The following DIP2C variants were observed in gnomAD, a reference collection of about 807,000 sequenced individuals.
DIP2C encodes DIP2 acetate--CoA ligase C (putative), also known as disco-interacting protein 2 homolog C.
Under a neutral mutation model 192.4 loss-of-function variants are expected in DIP2C, and 33 were observed. That is an observed-to-expected ratio of 0.17 (90% CI 0.13 to 0.23). The LOEUF is 0.23. Ranked by LOEUF, DIP2C falls within the 10% of genes least tolerant of loss-of-function variation. The pLI, the probability that DIP2C is intolerant of heterozygous loss-of-function variation, is 1.00. For synonymous variants in DIP2C, 979 were observed against 864.1 expected (o/e 1.13, Z -2.33); for missense variants, 1,537 against 2,110.1 (o/e 0.73, Z 5.32).
At chr10:656,431 A>G (rs146522871) in intron 1 of DIP2C, among the ~76,000 whole-genome samples, 259 of 152,352 alleles carry the variant, frequency 1.7e-3, no homozygotes, top group African/African-American at 6.0e-3. Flanking sequence ...GTCCCACTAC[A>G]TAAGAGCAGA....
intron 14 of DIP2C, among the ~76,000 whole-genome samples, chr10:384,902 A>C (rs1448237680): frequency 6.6e-6 from 1 of 150,998 alleles, no homozygotes; most frequent in South Asian, 2.1e-4. Context: ...GGAGGAGGAG[A>C]AGCAGCTCTC....
chr10:564,374 G>A (rs1471157403), intron 1 of DIP2C, among the ~76,000 whole-genome samples: 3 of 152,050 alleles, frequency 2.0e-5, no homozygotes, highest in African/African-American at 7.2e-5. Flanking sequence ...TCACCTTGGG[G>A]CAGCCTCACT....
chr10:390,289 G>T lies in DIP2C; in HGVS notation c.1469C>A (p.Ala490Asp). 2 of 1,613,970 alleles carry T rather than the reference G, an allele frequency of 1.2e-6. No homozygotes were observed. The highest frequency in any genetic ancestry group is 1.3e-5 in the African/African-American group (1 of 74,958). ...PRDWFPHIKD[A>D]NNDTAYIEYK... is the part of the protein sequence containing the mutation. ...CTCAATATACGCAGTGTCGTTATTG[G>T]CATCTTTAATGTGTGGGAACCAGTC... The change falls in exon 12 of 37, where the codon GCC becomes GAC. Residue 490 changes from alanine to aspartate, a missense_variant. Transcript: ENST00000280886.
At chr10:414,720 T>G (rs1965434908) in intron 7 of DIP2C, among the ~76,000 whole-genome samples, 1 of 75,324 alleles carries the variant, frequency 1.3e-5, no homozygotes, top group Non-Finnish European at 2.5e-5. Context: ...TGTGTGTGTG[T>G]GTGTGTGTGT....
chr10:486,121 GAATC>G (rs1843995431), intron 2 of DIP2C, among the ~76,000 whole-genome samples: 2 of 151,942 alleles, frequency 1.3e-5, no homozygotes, highest in Admixed American at 6.6e-5. Context: ...GATTAAACCA[GAATC>G]AATAGTAATA....
intron 10 of DIP2C, among the ~76,000 whole-genome samples, chr10:393,017 G>C (rs1435068146): frequency 6.6e-6 from 1 of 152,210 alleles, no homozygotes; most frequent in Non-Finnish European, 1.5e-5. Flanking sequence ...GGTGACCCAA[G>C]GACGGGACCC....
At chr10:597,094 C>T (rs182028907) in intron 1 of DIP2C, among the ~76,000 whole-genome samples, 1 of 152,294 alleles carries the variant, frequency 6.6e-6, no homozygotes, top group East Asian at 1.9e-4. Context: ...CCACCCTGTC[C>T]ACCCAGGGCT....
intron 32 of DIP2C, among the ~76,000 whole-genome samples, chr10:290,728 G>T (rs953743697): frequency 6.6e-6 from 1 of 152,204 alleles, no homozygotes; most frequent in South Asian, 2.1e-4. Flanking sequence ...CTAGGAGGGG[G>T]TCAGAGGCCC....
chr10:378,301 T>C (rs965072072), intron 17 of DIP2C, among the ~76,000 whole-genome samples: 1 of 152,240 alleles, frequency 6.6e-6, no homozygotes, highest in Admixed American at 6.5e-5. Context: ...CGTGATTTCC[T>C]GCCACCACTT....
chr10:509,801 G>A (rs557686290), intron 1 of DIP2C, among the ~76,000 whole-genome samples: 70 of 152,020 alleles, frequency 4.6e-4, no homozygotes, highest in African/African-American at 1.6e-3. Context: ...CCCAGCCCAC[G>A]CTTCGGCATG....
Position 330,499 on chromosome 10 carries a change from GA to G in DIP2C, c.3585-899del, listed in dbSNP as rs139403926. ...ATATCCTAGATAAATCACGTTCTAAGATTTACAATTTAATTAACGGGAACGT... is the reference window on the plus strand; with the variant it reads ...ATATCCTAGATAAATCACGTTCTAAGTTTACAATTTAATTAACGGGAACGT... On this transcript the variant is annotated intron_variant, in intron 29 of 36. Transcript: ENST00000280886. Among the ~76,000 whole-genome samples the G allele has an allele frequency of 8.2e-3, 1,249 of 152,246 alleles. 18 individuals are homozygous for G. The highest frequency in any genetic ancestry group is 0.029 in the African/African-American group (1,203 of 41,560).
chr10:607,789 GA>G (rs902477398), intron 1 of DIP2C, among the ~76,000 whole-genome samples: 3 of 151,478 alleles, frequency 2.0e-5, no homozygotes, highest in Non-Finnish European at 4.4e-5. Context: ...TCTTAGACAA[GA>G]ATCACAATTT....
intron 1 of DIP2C, among the ~76,000 whole-genome samples, chr10:498,101 A>C (rs1242224057): frequency 6.6e-6 from 1 of 152,128 alleles, no homozygotes; most frequent in Non-Finnish European, 1.5e-5. Flanking sequence ...AAACTCCTCA[A>C]GTGATCCACC....
rs78349471 is a variant in DIP2C at position 409,029 on chromosome 10, A to G, written c.1058-12T>C. Reference sequence around the variant, plus strand: ...TGTCCACAGCTTGCCTATGAATACAAATCACAGACAAATGTGCGTATTAAA... The same window carrying G: ...TGTCCACAGCTTGCCTATGAATACAGATCACAGACAAATGTGCGTATTAAA... On this transcript the variant is annotated splice_polypyrimidine_tract_variant and intron_variant, in intron 8 of 36. Coordinates refer to ENST00000280886, the MANE Select transcript of DIP2C (RefSeq NM_014974.3). The G allele has an allele frequency of 1.9e-6, 3 of 1,613,608 alleles. No homozygotes were observed. The Admixed American group carries it at 5.0e-5, about 27-fold the overall frequency.
Position 401,075 on chromosome 10 carries a change from T to C in DIP2C, c.1150-1856A>G, listed in dbSNP as rs373511225. Among the ~76,000 whole-genome samples, 37 of 132,912 alleles carry C rather than the reference T, an allele frequency of 2.8e-4. No homozygotes were observed. In the East Asian group the frequency reaches 3.1e-3, roughly 11 times the overall value. 87.2% of individuals were successfully genotyped at this position (132,912 alleles called of 152,430 possible). On this transcript the variant is annotated intron_variant, in intron 9 of 36. Transcript: ENST00000280886. ...CCTTATGGACAAGTTTGGTATGTGT[T>C]CATCAGCACATGAATCCTGTGATTT...
At chr10:457,242 A>G (rs1335005620) in intron 3 of DIP2C, among the ~76,000 whole-genome samples, 4 of 152,002 alleles carry the variant, frequency 2.6e-5, no homozygotes, top group Admixed American at 2.0e-4. Flanking sequence ...TCTTTTTATT[A>G]TTGTCTCACT....
intron 9 of DIP2C, among the ~76,000 whole-genome samples, chr10:404,562 T>C (rs1009802886): frequency 1.4e-4 from 21 of 152,174 alleles, no homozygotes; most frequent in African/African-American, 5.1e-4. Flanking sequence ...TGGAAGTAAT[T>C]TCATCACGAA....
chr10:530,932 T>C (rs938322960), intron 1 of DIP2C, among the ~76,000 whole-genome samples: 1 of 152,140 alleles, frequency 6.6e-6, no homozygotes, highest in African/African-American at 2.4e-5. Context: ...CCACGGGACC[T>C]TGGCAGACTC....
chr10:373,061 C>A (rs1040065417), intron 17 of DIP2C, among the ~76,000 whole-genome samples: 23 of 152,210 alleles, frequency 1.5e-4, no homozygotes, highest in Admixed American at 5.9e-4. Flanking sequence ...AAGATTCGGG[C>A]ACAGAAAGGT....
Sources: gnomAD v4.1 joint callset for allele counts (sites outside exome capture counted in the v4.1 genomes callset) on GRCh38, gnomAD v4.1.1 for gene constraint, MANE v1.5 for transcripts, NCBI Gene and HGNC (gene_info 2026-07-23, HGNC 2026-07-21) for gene names.